The following NLRP13 variants were observed in gnomAD, a reference collection of about 807,000 sequenced individuals.
NLRP13 encodes the protein NLR family pyrin domain containing 13, also known as NACHT, LRR and PYD domains-containing protein 13.
NLRP13 carries 82 observed loss-of-function variants against 94.4 expected under a neutral mutation model. That is an observed-to-expected ratio of 0.87 (90% CI 0.73 to 1.04). The LOEUF is 1.04. NLRP13 is among the 50% of genes least tolerant of loss of function. The pLI, the probability that NLRP13 is intolerant of heterozygous loss-of-function variation, is 0.00. For missense variants in NLRP13, 1,426 were observed against 1,230.8 expected (o/e 1.16, Z -2.37); for synonymous variants, 553 against 464.7 (o/e 1.19, Z -2.45).
chr19:55,909,211 C>G (rs1986437258), intron 6 of NLRP13, among the ~76,000 whole-genome samples: 1 of 152,166 alleles, frequency 6.6e-6, no homozygotes, highest in Admixed American at 6.5e-5. Context: ...AATTGTTATA[C>G]AAGGTCCACC....
At chr19:55,893,036 G>A (rs1331550138), downstream of NLRP13, among the ~76,000 whole-genome samples, 1 of 152,154 alleles carries the variant, frequency 6.6e-6, no homozygotes, top group East Asian at 1.9e-4. Flanking sequence ...GTGTAAAGTG[G>A]CAAACTGATA....
chr19:55,911,829 A>G lies in NLRP13; in HGVS notation c.1988T>C (p.Leu663Pro). The G allele has an allele frequency of 6.2e-7, 1 of 1,614,202 alleles. No homozygotes were observed. The highest frequency in any genetic ancestry group is 8.5e-7 in the Non-Finnish European group (1 of 1,180,026). ...GAGTTCTTCGTCCTCCAAAATATTAAGGTCAACTTCAAAGATACGACCCAA... is the reference window on the plus strand; with the variant it reads ...GAGTTCTTCGTCCTCCAAAATATTAGGGTCAACTTCAAAGATACGACCCAA... ...KMLGRIFEVD[L>P]NILEDEELQA... The change falls in exon 5 of 11, where the codon CTT (leucine) becomes CCT (proline). Residue 663 changes from leucine (L) to proline (P), a missense_variant. By Grantham distance (98) the Leu-to-Pro change is moderately conservative (BLOSUM62 -3). Transcript: ENST00000342929.
At chr19:55,892,045 A>G, downstream of NLRP13, 1 of 1,194,586 alleles carries the variant, frequency 8.4e-7, no homozygotes, top group African/African-American at 1.6e-5. Context: ...TCCCACGCAC[A>G]CTTGAGTTTC....
At chr19:55,929,919 A>C (rs1482785129) in intron 1 of NLRP13, among the ~76,000 whole-genome samples, 1 of 152,210 alleles carries the variant, frequency 6.6e-6, no homozygotes, top group Non-Finnish European at 1.5e-5. Context: ...AGTAAAAAAA[A>C]GAATTCTAAA....
rs757154475 is a variant in NLRP13 at position 55,902,228 on chromosome 19, A to G, written c.2619-23T>C. ...AGCCTGCAGGGTGAAAGCCACAGAG[A>G]TGGACACTCAGGGAAGCAGCCCAGA... On this transcript the variant is annotated intron_variant, in intron 8 of 10. Coordinates refer to ENST00000342929, the MANE Select transcript of NLRP13 (RefSeq NM_176810.2). 1.4e-5 allele frequency: 23 copies of G among 1,610,038 alleles called. No homozygotes were observed. In the African/African-American group the frequency reaches 2.0e-4, roughly 14 times the overall value.
At chr19:55,892,357 A>ATATATGTG (rs1985876560), downstream of NLRP13, among the ~76,000 whole-genome samples, 1 of 111,216 alleles carries the variant, frequency 9.0e-6, no homozygotes, top group Admixed American at 1.1e-4. Flanking sequence ...TTGTCAACAA[A>ATATATGTG]TATATGTGTA....
chr19:55,893,302 C>T (rs755616090), downstream of NLRP13, among the ~76,000 whole-genome samples: 20 of 152,000 alleles, frequency 1.3e-4, no homozygotes, highest in Non-Finnish European at 2.5e-4. Flanking sequence ...GCAAGAGAAT[C>T]GCTTGAACCT....
At chr19:55,923,553 C>T (rs898112350) in intron 4 of NLRP13, among the ~76,000 whole-genome samples, 1 of 152,144 alleles carries the variant, frequency 6.6e-6, no homozygotes, top group Non-Finnish European at 1.5e-5. Flanking sequence ...TGACTCAAGG[C>T]CTTTGTCATT....
In NLRP13 at chr19:55,913,229, A is replaced by G. The variant is rs1986583304; in HGVS notation, c.588T>C (p.Ser196=). The change falls in exon 5 of 11, where the codon AGT becomes AGC. Residue 196 remains serine (S), a synonymous_variant. Transcript: ENST00000342929. ...GGATATATACGTGGTCTTTAGGCCAACTGATGTTGTCCCATGTCTCCAGTA... is the reference window on the plus strand; with the variant it reads ...GGATATATACGTGGTCTTTAGGCCAGCTGATGTTGTCCCATGTCTCCAGTA... ...AELLETWDNI[S]WPKDHVYIRN... is the part of the protein sequence containing the mutation. The G allele has an allele frequency of 1.9e-6, 3 of 1,614,138 alleles. No homozygotes were observed. Among genetic ancestry groups the G allele is most frequent in the Non-Finnish European group, 8.5e-7 (1 of 1,180,000 alleles).
At chr19:55,892,130 T>C (rs1985867612), downstream of NLRP13, 2 of 1,231,812 alleles carry the variant, frequency 1.6e-6, no homozygotes, top group African/African-American at 3.1e-5. Context: ...GCCTGCAAAA[T>C]AAGAAGTACT....
intron 1 of NLRP13, among the ~76,000 whole-genome samples, chr19:55,929,504 T>C (rs1029045630): frequency 2.0e-5 from 3 of 152,166 alleles, no homozygotes; most frequent in Admixed American, 6.5e-5. Context: ...AAACCATCAT[T>C]CTCAGCAAAC....
intron 4 of NLRP13, among the ~76,000 whole-genome samples, chr19:55,921,247 G>T (rs1213127661): frequency 2.0e-5 from 3 of 152,164 alleles, no homozygotes; most frequent in African/African-American, 7.2e-5. Flanking sequence ...AAAATGGAAT[G>T]CAAACCACAT....
At chr19:55,903,696 A>G (rs888714998) in intron 8 of NLRP13, among the ~76,000 whole-genome samples, 7 of 151,848 alleles carry the variant, frequency 4.6e-5, no homozygotes, top group Non-Finnish European at 1.0e-4. Flanking sequence ...CTAGCTGCCA[A>G]CCTCACCCTC....
chr19:55,896,121 T>C lies in NLRP13; in HGVS notation c.2958-2A>G. 1 of 1,613,730 alleles carries C rather than the reference T, an allele frequency of 6.2e-7. No individual in the cohort carries two copies. The highest frequency in any genetic ancestry group is 8.5e-7 in the Non-Finnish European group (1 of 1,179,828). On this transcript the variant is annotated splice_acceptor_variant, in intron 10 of 10. Transcript: ENST00000342929. LOFTEE classifies it high-confidence loss of function. ...GTTGTCAGATTGCATTTCGCCAACC[T>C]AGGGGCGGGTGGGAAGAAAGCACAA...
rs1459694269 is a variant in NLRP13, at chr19:55,911,835, A to G, written c.1982T>C (p.Val661Ala). The G allele has an allele frequency of 6.2e-7, 1 of 1,614,198 alleles. No homozygotes were observed. Among genetic ancestry groups the G allele is most frequent in the East Asian group, 2.2e-5 (1 of 44,878 alleles). The change falls in exon 5 of 11, where the codon GTT (valine) becomes GCT (alanine). Residue 661 changes from valine to alanine, a missense_variant. Transcript: ENST00000342929. ...TTCGTCCTCCAAAATATTAAGGTCA[A>G]CTTCAAAGATACGACCCAACATCTT... is the stretch of plus-strand genomic sequence containing the variant. ...TKKMLGRIFE[V>A]DLNILEDEEL...
At chr19:55,909,506 A>G (rs1005535641) in intron 6 of NLRP13, among the ~76,000 whole-genome samples, 6 of 151,816 alleles carry the variant, frequency 4.0e-5, no homozygotes, top group Non-Finnish European at 7.4e-5. Context: ...CAAATGCAGC[A>G]GTATGCTGAT....
chr19:55,919,225 C>G (rs560267461), intron 4 of NLRP13, among the ~76,000 whole-genome samples: 1 of 152,000 alleles, frequency 6.6e-6, no homozygotes, highest in African/African-American at 2.4e-5. Flanking sequence ...ATATGTCAAA[C>G]TAATAAAAGC....
chr19:55,927,558 GGTAGA>G (rs1390054204), intron 1 of NLRP13, among the ~76,000 whole-genome samples: 1 of 151,950 alleles, frequency 6.6e-6, no homozygotes, highest in East Asian at 1.9e-4. Flanking sequence ...CCTTGGGTGG[GGTAGA>G]GGGTGTGTGT....
intron 4 of NLRP13, among the ~76,000 whole-genome samples, chr19:55,921,716 T>C (rs553260609): frequency 1.2e-3 from 183 of 152,158 alleles, no homozygotes; most frequent in Admixed American, 2.0e-3. Context: ...GCACATATCA[T>C]CCTAAAGTAG....
Sources: gnomAD v4.1 joint callset for allele counts (sites outside exome capture counted in the v4.1 genomes callset) on GRCh38, gnomAD v4.1.1 for gene constraint, MANE v1.5 for transcripts, NCBI Gene and HGNC (gene_info 2026-07-23, HGNC 2026-07-21) for gene names.